Variants in DENND6A observed in about 807,000 individuals in gnomAD.
DENND6A encodes the protein DENN domain containing 6A.
Under a neutral mutation model 95.5 loss-of-function variants are expected in DENND6A, and 43 were observed. That is an observed-to-expected ratio of 0.45 (90% CI 0.35 to 0.58). DENND6A has a LOEUF of 0.58. Among genes scored for constraint, DENND6A ranks in the 20% least tolerant of loss-of-function variants. The pLI, the probability that DENND6A is intolerant of heterozygous loss-of-function variation, is 0.00. For synonymous variants in DENND6A, 257 were observed against 260.4 expected (o/e 0.99, Z 0.13); for missense variants, 574 against 736.0 (o/e 0.78, Z 2.55).
chr3:57,670,856 A>T (rs1249253444), intron 3 of DENND6A, among the ~76,000 whole-genome samples: 1 of 152,188 alleles, frequency 6.6e-6, no homozygotes, highest in African/African-American at 2.4e-5. Context: ...CAATCCATAC[A>T]ACTCAGCTTA....
intron 1 of DENND6A, among the ~76,000 whole-genome samples, chr3:57,681,248 G>A (rs149365065): frequency 0.028 from 4,202 of 151,834 alleles, 92 homozygotes; most frequent in Non-Finnish European, 0.041. Flanking sequence ...GGCAGATCAC[G>A]AGGTCAGGAG....
chr3:57,658,439 G>C (rs948230679), intron 8 of DENND6A, among the ~76,000 whole-genome samples: 3 of 152,142 alleles, frequency 2.0e-5, no homozygotes, highest in African/African-American at 7.2e-5. Flanking sequence ...TGAGGTGGGA[G>C]AATCACTTCA....
At chr3:57,649,803 C>G (rs943605635) in intron 9 of DENND6A, among the ~76,000 whole-genome samples, 3 of 149,696 alleles carry the variant, frequency 2.0e-5, no homozygotes, top group Non-Finnish European at 4.4e-5. Flanking sequence ...TGGATTGACC[C>G]CCCACCCCCA....
intron 3 of DENND6A, among the ~76,000 whole-genome samples, chr3:57,667,059 C>T (rs1177355449): frequency 5.3e-5 from 8 of 152,140 alleles, no homozygotes; most frequent in African/African-American, 1.7e-4. Flanking sequence ...GACAGAGTCT[C>T]GCTCTGTTGC....
In DENND6A at chr3:57,625,761, T is replaced by A. The variant is rs1159603829; in HGVS notation, c.*2453A>T. On this transcript the variant is annotated 3_prime_UTR_variant, in exon 20 of 20. Coordinates refer to ENST00000311128, the MANE Select transcript of DENND6A (RefSeq NM_152678.3). ...CATAGTTTGAAATTAAGAGATAAAC[T>A]AGGTATGATATGGTTTTCAACATGT... 6.6e-6 allele frequency: 1 copy of A among 152,514 alleles called. No individual in the cohort carries two copies. Among genetic ancestry groups the A allele is most frequent in the Admixed American group, 6.5e-5 (1 of 15,280 alleles). The allele number at this position is 152,514 out of a possible 1,614,324, so 9.4% of individuals were successfully genotyped here.
At chr3:57,657,136 G>A (rs924850668) in intron 9 of DENND6A, among the ~76,000 whole-genome samples, 5 of 152,210 alleles carry the variant, frequency 3.3e-5, no homozygotes, top group African/African-American at 9.6e-5. Flanking sequence ...CTGGGTAAAG[G>A]CACAAACATT....
intron 12 of DENND6A, among the ~76,000 whole-genome samples, chr3:57,639,353 T>C (rs955743938): frequency 3.9e-5 from 6 of 152,218 alleles, no homozygotes; most frequent in Admixed American, 2.6e-4. Flanking sequence ...AACAGTTTGG[T>C]GATTTCTTAA....
chr3:57,639,560 C>T (rs990195200), intron 12 of DENND6A, among the ~76,000 whole-genome samples: 3 of 152,156 alleles, frequency 2.0e-5, no homozygotes, highest in African/African-American at 7.2e-5. Flanking sequence ...TTTATCATAT[C>T]ATCTCATATC....
chr3:57,664,725 C>A (rs1047571370), intron 4 of DENND6A, among the ~76,000 whole-genome samples: 1 of 152,082 alleles, frequency 6.6e-6, no homozygotes, highest in Admixed American at 6.6e-5. Flanking sequence ...CCCAACTACT[C>A]AGGAGGCTGA....
At chr3:57,670,136 G>C (rs1371955168) in intron 3 of DENND6A, among the ~76,000 whole-genome samples, 1 of 151,320 alleles carries the variant, frequency 6.6e-6, no homozygotes, top group African/African-American at 2.4e-5. Context: ...ACTAGATATA[G>C]GCTATCTAAA....
At chr3:57,655,389 T>C (rs1255592281) in intron 9 of DENND6A, among the ~76,000 whole-genome samples, 1 of 152,198 alleles carries the variant, frequency 6.6e-6, no homozygotes, top group African/African-American at 2.4e-5. Context: ...AACAATATTA[T>C]GTAATTCATA....
chr3:57,693,038 C>A lies in DENND6A; in HGVS notation c.-20G>T. 2 of 1,389,246 alleles carry A rather than the reference C, an allele frequency of 1.4e-6. No homozygotes were observed. The highest frequency in any genetic ancestry group is 1.6e-5 in the South Asian group (1 of 62,540). 86.1% of individuals were successfully genotyped at this position (1,389,246 alleles called of 1,614,324 possible). A position where few individuals can be genotyped will look rare whatever the true frequency, so the allele number is the denominator to read the frequency against. On this transcript the variant is annotated 5_prime_UTR_variant, in exon 1 of 20. Coordinates refer to ENST00000311128, the MANE Select transcript of DENND6A (RefSeq NM_152678.3). ...AGCCATCGGCCGCCCCCTGACCGTT[C>A]GCGCCGCCTCCACAGCGGACCGCGC...
chr3:57,627,860 T>C lies in DENND6A; in HGVS notation c.*354A>G, dbSNP rs1169606352. 1 of 177,648 alleles carries C rather than the reference T, an allele frequency of 5.6e-6. No individual in the cohort carries two copies. The highest frequency in any genetic ancestry group is 2.4e-5 in the African/African-American group (1 of 42,176). 11.0% of individuals were successfully genotyped at this position (177,648 alleles called of 1,614,324 possible). The stretch of plus-strand genomic sequence containing the variant: ...TATATCCCCCTGAGTTTTAACATGA[T>C]TGGGCAAAGCAGCACCAATTTAAAA... On this transcript the variant is annotated 3_prime_UTR_variant, in exon 20 of 20. Coordinates refer to ENST00000311128, the MANE Select transcript of DENND6A (RefSeq NM_152678.3).
intron 5 of DENND6A, 107 bp from the exon 6 acceptor site, chr3:57,661,658 A>G (rs1452211853): frequency 1.1e-6 from 1 of 877,182 alleles, no homozygotes; most frequent in Non-Finnish European, 1.7e-6. Context: ...ATTTTAAAAT[A>G]AAAAGGCTTT....
rs369616320 is a variant in DENND6A at position 57,653,451 on chromosome 3, A to T, written c.818+4229T>A. 2.4e-4 allele frequency among the ~76,000 whole-genome samples: 36 copies of T among 152,308 alleles called. 2 individuals are homozygous for T. In the South Asian group the frequency reaches 7.2e-3, roughly 31 times the overall value. ...AAAGGAAACTTCTCTCGAACTAAAA[A>T]ATATTAGTAGTAGGCCGGGCGCGGT... On this transcript the variant is annotated intron_variant, in intron 9 of 19. Coordinates refer to ENST00000311128, the MANE Select transcript of DENND6A (RefSeq NM_152678.3).
intron 12 of DENND6A, among the ~76,000 whole-genome samples, chr3:57,637,212 C>G (rs1197678783): frequency 6.6e-6 from 1 of 152,154 alleles, no homozygotes; most frequent in Non-Finnish European, 1.5e-5. Context: ...TGATATTTAC[C>G]TGGTATGCAC....
rs1373996009 is a variant in DENND6A, at chr3:57,663,730, G to A, written c.433-14C>T. On this transcript the variant is annotated splice_polypyrimidine_tract_variant and intron_variant, in intron 4 of 19. Coordinates refer to ENST00000311128, the MANE Select transcript of DENND6A (RefSeq NM_152678.3). ...AGCAGGATCCTTCTAAGAAGAAAGT[G>A]ACAAGTAAGTGTGTGTGGGGGGGTA... 3 of 1,533,870 alleles carry A rather than the reference G, an allele frequency of 2.0e-6. No individual in the cohort carries two copies. Among genetic ancestry groups the A allele is most frequent in the Middle Eastern group, 1.8e-4 (1 of 5,462 alleles).
At position 57,630,916 on chromosome 3, in the gene DENND6A, T is replaced by C. The variant is rs745473541; in HGVS notation, c.1407+9A>G. On this transcript the variant is annotated intron_variant, in intron 16 of 19. Coordinates refer to ENST00000311128, the MANE Select transcript of DENND6A (RefSeq NM_152678.3). ...TAGAGGACCCAAATAGATTTGAATA[T>C]ATTCATACCTTCCATGGGGAAATAC... The C allele has an allele frequency of 2.5e-6, 4 of 1,613,410 alleles. No individual in the cohort carries two copies. The highest frequency in any genetic ancestry group is 3.4e-6 in the Non-Finnish European group (4 of 1,179,840).
In DENND6A at chr3:57,637,818, TAA is replaced by T. The variant is rs199512454; in HGVS notation, c.1133-3051_1133-3050del. On this transcript the variant is annotated intron_variant, in intron 12 of 19. Transcript: ENST00000311128. ...AACAGAAGAAAACAAAAAAAATAAATAAATAAGACTATTAAATTATAAACTCC... is the reference window on the plus strand; with the variant it reads ...AACAGAAGAAAACAAAAAAAATAAATATAAGACTATTAAATTATAAACTCC... Among the ~76,000 whole-genome samples the T allele has an allele frequency of 6.2e-3, 694 of 112,246 alleles. 4 individuals are homozygous for T. The highest frequency in any genetic ancestry group is 0.022 in the African/African-American group (662 of 30,766). The allele number at this position is 112,246 out of a possible 152,430, so 73.6% of individuals were successfully genotyped here. A position where few individuals can be genotyped will look rare whatever the true frequency, so the allele number is the denominator to read the frequency against.
Sources: gnomAD v4.1 joint callset for allele counts (sites outside exome capture counted in the v4.1 genomes callset) on GRCh38, gnomAD v4.1.1 for gene constraint, MANE v1.5 for transcripts, NCBI Gene and HGNC (gene_info 2026-07-23, HGNC 2026-07-21) for gene names.